SFT2D1: variants seen among roughly 807,000 people sequenced by gnomAD.
SFT2D1 encodes the protein SFT2 domain containing 1.
A neutral mutation model predicts 28.1 loss-of-function variants in SFT2D1; 24 were observed. The ratio of observed to expected loss-of-function variants is 0.85; its 90% CI spans 0.62 to 1.20. SFT2D1 has a LOEUF of 1.20. Among genes scored for constraint, SFT2D1 ranks in the 50% most tolerant of loss-of-function variants. The pLI is 0.00. For synonymous variants in SFT2D1, 82 were observed against 73.7 expected (o/e 1.11, Z -0.58); for missense variants, 181 against 190.9 (o/e 0.95, Z 0.31).
chr6:166,333,171 C>T (rs559391781), intron 1 of SFT2D1, among the ~76,000 whole-genome samples: 2 of 152,320 alleles, frequency 1.3e-5, no homozygotes, highest in Admixed American at 6.5e-5. Context: ...AACAGACATC[C>T]GCAGACCCTC....
At chr6:166,337,062 C>G (rs1344235528) in intron 1 of SFT2D1, among the ~76,000 whole-genome samples, 1 of 152,228 alleles carries the variant, frequency 6.6e-6, no homozygotes, top group African/African-American at 2.4e-5. Flanking sequence ...AGCAGGCAGG[C>G]CTCCCGGGGA....
intron 1 of SFT2D1, among the ~76,000 whole-genome samples, chr6:166,337,067 C>T (rs904444629): frequency 1.1e-4 from 16 of 152,206 alleles, no homozygotes; most frequent in Admixed American, 3.3e-4. Flanking sequence ...GCAGGCCTCC[C>T]GGGGAAAGCT....
At chr6:166,328,533 T>C (rs1473507652) in intron 3 of SFT2D1, among the ~76,000 whole-genome samples, 176 bp from the exon 4 acceptor site, 1 of 152,200 alleles carries the variant, frequency 6.6e-6, no homozygotes, top group African/African-American at 2.4e-5. Context: ...CCAATAGACA[T>C]GCTATGGTGT....
At chr6:166,337,376 G>A (rs1382626418) in intron 1 of SFT2D1, among the ~76,000 whole-genome samples, 3 of 152,168 alleles carry the variant, frequency 2.0e-5, no homozygotes, top group African/African-American at 7.2e-5. Flanking sequence ...GAACATTTTT[G>A]AAGCATCAGT....
rs541827564 is a variant in SFT2D1 at position 166,328,382 on chromosome 6, G to A, written c.234-25C>T. On this transcript the variant is annotated intron_variant, in intron 3 of 7. Transcript: ENST00000361731. ...ACTATTTGAAACAAATAAAGTGACT[G>A]AGGTACAGGTCTACTAATTTATCTG... 1.3e-5 allele frequency: 18 copies of A among 1,359,258 alleles called. No homozygotes were observed. The African/African-American group carries it at 2.4e-4, about 18-fold the overall frequency. The allele number at this position is 1,359,258 out of a possible 1,614,324, so 84.2% of individuals were successfully genotyped here.
chr6:166,335,576 A>G, intron 1 of SFT2D1: 3 of 388,638 alleles, frequency 7.7e-6, no homozygotes, highest in East Asian at 1.2e-4. Context: ...CTGAGGTTGC[A>G]CTTTTTGAAT....
Position 166,342,094 on chromosome 6 carries a change from C to T in SFT2D1, c.63+325G>A, listed in dbSNP as rs1196837018. 5.3e-5 allele frequency among the ~76,000 whole-genome samples: 8 copies of T among 152,236 alleles called. No homozygotes were observed. In the East Asian group the frequency reaches 1.5e-3, roughly 29 times the overall value. On this transcript the variant is annotated intron_variant, in intron 1 of 7. Coordinates refer to ENST00000361731, the MANE Select transcript of SFT2D1 (RefSeq NM_145169.3). ...CGCTGCACAGCCCGAGGCCAGACCC[C>T]GCACCAGGCTCAGAAAACCAAATAG... is the stretch of plus-strand genomic sequence containing the variant.
chr6:166,332,055 G>GA (rs1778562631), intron 1 of SFT2D1, among the ~76,000 whole-genome samples: 1 of 152,134 alleles, frequency 6.6e-6, no homozygotes, highest in South Asian at 2.1e-4. Context: ...TCTTTAAAAC[G>GA]AAACAGCAGG....
chr6:166,332,756 TGAG>T (rs1354636908), intron 1 of SFT2D1, among the ~76,000 whole-genome samples: 1 of 152,220 alleles, frequency 6.6e-6, no homozygotes, highest in Non-Finnish European at 1.5e-5. Context: ...TACAGGCCCT[TGAG>T]GAGGGGCTGC....
intron 4 of SFT2D1, among the ~76,000 whole-genome samples, chr6:166,327,090 G>C (rs113554669): frequency 1.0e-3 from 156 of 152,068 alleles, no homozygotes; most frequent in African/African-American, 3.6e-3. Flanking sequence ...CTCTAGTGAG[G>C]AGATGGGAGA....
At chr6:166,337,379 G>C (rs1583042730) in intron 1 of SFT2D1, among the ~76,000 whole-genome samples, 1 of 152,166 alleles carries the variant, frequency 6.6e-6, no homozygotes, top group Admixed American at 6.5e-5. Context: ...CATTTTTGAA[G>C]CATCAGTATC....
rs993563576 is a variant in SFT2D1 at position 166,335,403 on chromosome 6, C to A, written c.64-5156G>T. On this transcript the variant is annotated intron_variant, in intron 1 of 7. Transcript: ENST00000361731. ...AACAATCAGCCTTCAAATTTTGGAC[C>A]CATAAAGGGAGGAAACTTTGGAGGC... 7.0e-6 allele frequency: 4 copies of A among 570,204 alleles called. No individual in the cohort carries two copies. In the African/African-American group the frequency reaches 7.5e-5, roughly 11 times the overall value. 35.3% of individuals were successfully genotyped at this position (570,204 alleles called of 1,614,324 possible). A position where few individuals can be genotyped will look rare whatever the true frequency, so the allele number is the denominator to read the frequency against.
chr6:166,320,938 T>C (rs1778342423), intron 7 of SFT2D1, among the ~76,000 whole-genome samples: 1 of 152,316 alleles, frequency 6.6e-6, no homozygotes, highest in East Asian at 1.9e-4. Context: ...ACCCCATCTC[T>C]ACTAAAAAAC....
At position 166,327,207 on chromosome 6, in the gene SFT2D1, C is replaced by A. The variant is rs149277043; in HGVS notation, c.316-1040G>T. Among the ~76,000 whole-genome samples, 5 of 152,230 alleles carry A rather than the reference C, an allele frequency of 3.3e-5. No individual in the cohort carries two copies. The East Asian group carries it at 5.8e-4, about 18-fold the overall frequency. On this transcript the variant is annotated intron_variant, in intron 4 of 7. Transcript: ENST00000361731. ...TAGTTATAATGGTAACATTTAAATTCTTTAAATATCATAAATGCTTGAAGG... is the reference window on the plus strand; with the variant it reads ...TAGTTATAATGGTAACATTTAAATTATTTAAATATCATAAATGCTTGAAGG...
At chr6:166,329,116 T>C (rs1778504030) in intron 3 of SFT2D1, among the ~76,000 whole-genome samples, 2 of 152,200 alleles carry the variant, frequency 1.3e-5, no homozygotes, top group Non-Finnish European at 2.9e-5. Flanking sequence ...GGATTCCCAC[T>C]GCCTGCAGGA....
chr6:166,333,065 C>T (rs1778579856), intron 1 of SFT2D1, among the ~76,000 whole-genome samples: 4 of 152,246 alleles, frequency 2.6e-5, no homozygotes, highest in African/African-American at 9.6e-5. Flanking sequence ...TGGCTTTCCA[C>T]TAATGATGAC....
At chr6:166,335,204 G>C (rs1289442070) in intron 1 of SFT2D1, 1 of 615,678 alleles carries the variant, frequency 1.6e-6, no homozygotes, top group Non-Finnish European at 3.0e-6. Flanking sequence ...GGTGGTTTTG[G>C]TGGGAATGAC....
At chr6:166,323,167 A>G (rs1447549329) in intron 6 of SFT2D1, 1 of 323,402 alleles carries the variant, frequency 3.1e-6, no homozygotes, top group East Asian at 5.2e-5. Flanking sequence ...CTAAAGTTTG[A>G]GCTTCTTATA....
chr6:166,331,246 T>C (rs908468447), intron 1 of SFT2D1: 4 of 152,714 alleles, frequency 2.6e-5, no homozygotes, highest in Admixed American at 2.0e-4. Context: ...AGGATTTATA[T>C]TCCAAAACTT....
Sources: allele counts gnomAD v4.1 joint callset (sites outside exome capture counted in the v4.1 genomes callset), GRCh38; gene constraint gnomAD v4.1.1; transcripts MANE v1.5; gene names NCBI Gene and HGNC (gene_info 2026-07-23, HGNC 2026-07-21).